SPINK4: variants seen among roughly 807,000 people sequenced by gnomAD.
SPINK4 encodes serine peptidase inhibitor Kazal type 4, also known as serine protease inhibitor Kazal-type 4.
In SPINK4, 10 loss-of-function variants were observed where a neutral mutation model predicts 12.3. The observed-to-expected ratio is 0.81, with a 90% CI of 0.50 to 1.37. The LOEUF is 1.37. Among genes scored for constraint, SPINK4 ranks in the 40% most tolerant of loss-of-function variants. The pLI is 0.00. For synonymous variants in SPINK4, 37 were observed against 40.2 expected (o/e 0.92, Z 0.30); for missense variants, 91 against 109.0 (o/e 0.84, Z 0.73).
In SPINK4 at chr9:33,245,099, C is replaced by T; in HGVS notation, c.62-13C>T. 6.2e-7 allele frequency: 1 copy of T among 1,613,450 alleles called. No homozygotes were observed. Among genetic ancestry groups the T allele is most frequent in the South Asian group, 1.1e-5 (1 of 91,014 alleles). ...AGCCGGCATAATCTAATTCTTGCTT[C>T]TTTGTGTTTCAGAAGTGCCAGTGGC... On this transcript the variant is annotated splice_polypyrimidine_tract_variant and intron_variant, in intron 1 of 3. Transcript: ENST00000379721.
At chr9:33,241,887 A>AT (rs914571879) in intron 1 of SPINK4, among the ~76,000 whole-genome samples, 11 of 151,034 alleles carry the variant, frequency 7.3e-5, no homozygotes, top group South Asian at 2.1e-4. Context: ...TTAAACAAAA[A>AT]TTTTTTTTTC....
chr9:33,241,693 G>A (rs1484715741), intron 1 of SPINK4, among the ~76,000 whole-genome samples: 4 of 152,008 alleles, frequency 2.6e-5, no homozygotes, highest in Non-Finnish European at 5.9e-5. Context: ...GTTTGTTTTT[G>A]TTTTTGTTTT....
intron 1 of SPINK4, among the ~76,000 whole-genome samples, chr9:33,241,235 A>C (rs547024765): frequency 6.6e-6 from 1 of 152,042 alleles, no homozygotes; most frequent in Non-Finnish European, 1.5e-5. Flanking sequence ...CATTGTACGG[A>C]GTGATAGGAG....
rs1474922199 is a variant in SPINK4 at position 33,243,640 on chromosome 9, G to A, written c.62-1472G>A. Among the ~76,000 whole-genome samples, 3 of 152,120 alleles carry A rather than the reference G, an allele frequency of 2.0e-5. No homozygotes were observed. The East Asian group carries it at 5.8e-4, about 29-fold the overall frequency. On this transcript the variant is annotated intron_variant, in intron 1 of 3. Transcript: ENST00000379721. ...TTGCTTGTTTTAATTGTTCAGTAGTGCCCCATTGTATTTATTTATCCATTC... is the reference window on the plus strand; with the variant it reads ...TTGCTTGTTTTAATTGTTCAGTAGTACCCCATTGTATTTATTTATCCATTC...
At position 33,246,826 on chromosome 9, in the gene SPINK4, C is replaced by T. The variant is rs143689712; in HGVS notation, c.215+98C>T. 286 of 1,017,448 alleles carry T rather than the reference C, an allele frequency of 2.8e-4. 1 individual carries two copies. The African/African-American group carries it at 3.8e-3, about 13-fold the overall frequency. The allele number at this position is 1,017,448 out of a possible 1,614,324, so 63.0% of individuals were successfully genotyped here. On this transcript the variant is annotated intron_variant, in intron 3 of 3. Coordinates refer to ENST00000379721, the MANE Select transcript of SPINK4 (RefSeq NM_014471.3). ...CTTGACCTGCTTCTTCCTTCATACA[C>T]GCTTGACCTGAGAAGAGTCCTCCAA...
At chr9:33,247,008 C>T (rs907264893) in intron 3 of SPINK4, among the ~76,000 whole-genome samples, 10 of 152,010 alleles carry the variant, frequency 6.6e-5, no homozygotes, top group African/African-American at 1.9e-4. Context: ...TTTTTTCATT[C>T]GTCTAGCCAG....
At chr9:33,240,377 T>C in intron 1 of SPINK4, 108 bp downstream of exon 1, 1 of 974,142 alleles carries the variant, frequency 1.0e-6, no homozygotes, top group Non-Finnish European at 1.5e-6. Context: ...GCTTTTTCCA[T>C]GTACCTTCAT....
Position 33,246,692 on chromosome 9 carries a change from C to T in SPINK4, c.179C>T (p.Thr60Ile), listed in dbSNP as rs571936820. The T allele has an allele frequency of 1.1e-5, 17 of 1,614,098 alleles. 1 individual carries two copies. The South Asian group carries it at 1.4e-4, about 14-fold the overall frequency. ...SNLVCGTDGL[T>I]YTNECQLCLA... ...CTGGTCTGCGGCACTGATGGGCTCACATATACGAATGAATGCCAGCTCTGC... is the reference window on the plus strand; with the variant it reads ...CTGGTCTGCGGCACTGATGGGCTCATATATACGAATGAATGCCAGCTCTGC... The change falls in exon 3 of 4, where the codon ACA becomes ATA. Residue 60 changes from threonine (T) to isoleucine (I), a missense_variant. Transcript: ENST00000379721.
chr9:33,246,647 C>T lies in SPINK4; in HGVS notation c.134C>T (p.Thr45Ile), dbSNP rs903428163. Residue 45 changes from threonine (T) to isoleucine (I), a missense_variant, in exon 3 of 4, where the codon ACC (threonine) becomes ATC (isoleucine). Thr to Ile is a moderately conservative substitution (Grantham distance 89). Coordinates refer to ENST00000379721, the MANE Select transcript of SPINK4 (RefSeq NM_014471.3). ...PICEHMVESP[T>I]CSQMSNLVCG... ...TGTGAACACATGGTAGAGTCTCCAA[C>T]CTGTTCCCAGATGTCCAACCTGGTC... 1.9e-6 allele frequency: 3 copies of T among 1,614,080 alleles called. No individual in the cohort carries two copies. Among genetic ancestry groups the T allele is most frequent in the Non-Finnish European group, 1.7e-6 (2 of 1,180,006 alleles).
At chr9:33,241,233 G>A (rs769759949) in intron 1 of SPINK4, among the ~76,000 whole-genome samples, 12 of 152,124 alleles carry the variant, frequency 7.9e-5, no homozygotes, top group Non-Finnish European at 1.2e-4. Flanking sequence ...GACATTGTAC[G>A]GAGTGATAGG....
chr9:33,245,841 C>A (rs995509156), intron 2 of SPINK4, among the ~76,000 whole-genome samples: 1 of 152,178 alleles, frequency 6.6e-6, no homozygotes, highest in African/African-American at 2.4e-5. Context: ...GTGAGAGAAA[C>A]GCCACTATTA....
chr9:33,244,412 G>A (rs1165005641), intron 1 of SPINK4, among the ~76,000 whole-genome samples: 1 of 152,170 alleles, frequency 6.6e-6, no homozygotes, highest in Non-Finnish European at 1.5e-5. Context: ...ATTTACTGGG[G>A]AGCGTTCATG....
At chr9:33,246,344 A>G (rs1488749610) in intron 2 of SPINK4, among the ~76,000 whole-genome samples, 1 of 152,162 alleles carries the variant, frequency 6.6e-6, no homozygotes, top group Non-Finnish European at 1.5e-5. Flanking sequence ...ACACAGGCAT[A>G]CGCTTGAATG....
At chr9:33,247,765 C>G (rs1820301172) in intron 3 of SPINK4, 2 of 152,586 alleles carry the variant, frequency 1.3e-5, no homozygotes, top group Non-Finnish European at 2.9e-5. Context: ...CTTCTATGAT[C>G]CTGAGAACTA....
rs1467224690 is a variant in SPINK4, at chr9:33,248,406, C to A, written c.216-20C>A. On this transcript the variant is annotated intron_variant, in intron 3 of 3. Transcript: ENST00000379721. ...CAGCTCCTGAGAAGGTAGCCTCATG[C>A]CTGTCTTCTTTGATCCTAGAAAAAC... 3.7e-6 allele frequency: 6 copies of A among 1,613,690 alleles called. No individual in the cohort carries two copies. The highest frequency in any genetic ancestry group is 5.1e-6 in the Non-Finnish European group (6 of 1,179,888).
chr9:33,246,663 C>T lies in SPINK4; in HGVS notation c.150C>T (p.Ser50=), dbSNP rs752256180. 3 of 1,614,046 alleles carry T rather than the reference C, an allele frequency of 1.9e-6. No individual in the cohort carries two copies. Among genetic ancestry groups the T allele is most frequent in the African/African-American group, 1.3e-5 (1 of 75,018 alleles). The change falls in exon 3 of 4, where the codon TCC becomes TCT. Residue 50 remains serine, a synonymous_variant. Coordinates refer to ENST00000379721, the MANE Select transcript of SPINK4 (RefSeq NM_014471.3). ...AGTCTCCAACCTGTTCCCAGATGTC[C>T]AACCTGGTCTGCGGCACTGATGGGC... is the stretch of plus-strand genomic sequence containing the variant. ...MVESPTCSQM[S]NLVCGTDGLT...
intron 1 of SPINK4, among the ~76,000 whole-genome samples, chr9:33,244,284 G>T (rs988597879): frequency 6.6e-6 from 1 of 152,210 alleles, no homozygotes; most frequent in Non-Finnish European, 1.5e-5. Context: ...TGCAACAGAC[G>T]TGTGGGAAAA....
intron 2 of SPINK4, among the ~76,000 whole-genome samples, chr9:33,245,848 A>G (rs905341725): frequency 1.3e-5 from 2 of 152,212 alleles, no homozygotes; most frequent in Non-Finnish European, 2.9e-5. Flanking sequence ...AAACGCCACT[A>G]TTATAATTTT....
At chr9:33,245,029 C>T (rs1820271989) in intron 1 of SPINK4, 83 bp from the exon 2 acceptor site, 1 of 1,419,870 alleles carries the variant, frequency 7.0e-7, no homozygotes, top group Admixed American at 2.1e-5. Context: ...GGACCAAGCT[C>T]CCTGAAGCAG....
Sources: allele counts gnomAD v4.1 joint callset (sites outside exome capture counted in the v4.1 genomes callset), GRCh38; gene constraint gnomAD v4.1.1; transcripts MANE v1.5; gene names NCBI Gene and HGNC (gene_info 2026-07-23, HGNC 2026-07-21).